Variants in RORB observed in about 807,000 individuals in gnomAD.
RORB encodes nuclear receptor ROR-beta.
In RORB, 6 loss-of-function variants were observed where a neutral mutation model predicts 59.1. The observed-to-expected ratio is 0.10, with a 90% CI of 0.06 to 0.20. The LOEUF is 0.20. Among genes scored for constraint, RORB ranks in the 10% least tolerant of loss-of-function variants. The pLI is 1.00. For missense variants in RORB, 320 were observed against 560.5 expected, an observed-to-expected ratio of 0.57 and a Z score of 4.33; for synonymous variants, 215 against 204.5, an observed-to-expected ratio of 1.05 and a Z score of -0.44.
intron 1 of RORB, among the ~76,000 whole-genome samples, chr9:74,539,406 T>C (rs905031193): frequency 3.9e-5 from 6 of 152,164 alleles, no homozygotes; most frequent in African/African-American, 1.4e-4. Context: ...CTTTCCAAGA[T>C]TGGCTGTTGT....
intron 1 of RORB, among the ~76,000 whole-genome samples, chr9:74,542,436 C>G (rs1159120239): frequency 5.3e-5 from 8 of 152,198 alleles, no homozygotes; most frequent in African/African-American, 1.9e-4. Flanking sequence ...GTAGACACAA[C>G]TGAAGAGAGA....
At chr9:74,634,506 C>G (rs999686165) in intron 2 of RORB, 125 bp from the exon 3 acceptor site, 1 of 803,610 alleles carries the variant, frequency 1.2e-6, no homozygotes, top group Non-Finnish European at 1.8e-6. Flanking sequence ...GAAGAGGTAT[C>G]CAAAGAGCTT....
At chr9:74,524,111 G>C (rs1826121492) in intron 1 of RORB, among the ~76,000 whole-genome samples, 1 of 149,854 alleles carries the variant, frequency 6.7e-6, no homozygotes, top group Non-Finnish European at 1.5e-5. Flanking sequence ...GAAAGCTGGA[G>C]ACATGACCAA....
At chr9:74,537,025 G>T (rs1216125856) in intron 1 of RORB, among the ~76,000 whole-genome samples, 1 of 151,852 alleles carries the variant, frequency 6.6e-6, no homozygotes, top group Non-Finnish European at 1.5e-5. Context: ...TATATATAAG[G>T]CAGTTATAAG....
chr9:74,576,769 A>T (rs1217859155), intron 1 of RORB, among the ~76,000 whole-genome samples: 1 of 152,104 alleles, frequency 6.6e-6, no homozygotes, highest in Non-Finnish European at 1.5e-5. Flanking sequence ...AGCCTTTTTT[A>T]AAGAACATTC....
At chr9:74,634,146 A>C (rs1779457198) in intron 2 of RORB, among the ~76,000 whole-genome samples, 1 of 150,518 alleles carries the variant, frequency 6.6e-6, no homozygotes, top group Admixed American at 6.6e-5. Flanking sequence ...GTGGGGAAAA[A>C]CACATCTTAG....
intron 8 of RORB, among the ~76,000 whole-genome samples, chr9:74,670,124 A>G (rs575389402): frequency 3.3e-5 from 5 of 151,892 alleles, no homozygotes; most frequent in Admixed American, 2.6e-4. Flanking sequence ...ACAAAGATAG[A>G]TGGAAGAAGT....
chr9:74,560,428 T>A (rs1822377511), intron 1 of RORB, among the ~76,000 whole-genome samples: 1 of 152,126 alleles, frequency 6.6e-6, no homozygotes, highest in Non-Finnish European at 1.5e-5. Flanking sequence ...TGTATCTCCA[T>A]CTACGAACAA....
chr9:74,661,062 C>T (rs1204839199), intron 5 of RORB, among the ~76,000 whole-genome samples: 1 of 152,222 alleles, frequency 6.6e-6, no homozygotes, highest in African/African-American at 2.4e-5. Context: ...CTCTTGCTGA[C>T]TTCTTGGGTG....
At chr9:74,569,663 G>A (rs1822521372) in intron 1 of RORB, among the ~76,000 whole-genome samples, 1 of 151,926 alleles carries the variant, frequency 6.6e-6, no homozygotes, top group Non-Finnish European at 1.5e-5. Flanking sequence ...GAAACCAGGT[G>A]ACTTTAAAAA....
intron 1 of RORB, among the ~76,000 whole-genome samples, chr9:74,594,322 A>G (rs754513689): frequency 5.3e-5 from 8 of 152,148 alleles, no homozygotes; most frequent in African/African-American, 1.9e-4. Flanking sequence ...AGCTGTCAGC[A>G]CACCCCTCTC....
At chr9:74,536,057 A>C (rs1376572953) in intron 1 of RORB, among the ~76,000 whole-genome samples, 4 of 152,076 alleles carry the variant, frequency 2.6e-5, no homozygotes, top group Non-Finnish European at 4.4e-5. Context: ...GAAGTCTCAT[A>C]AAATATAACG....
At chr9:74,534,027 A>G (rs1826286176) in intron 1 of RORB, among the ~76,000 whole-genome samples, 2 of 152,100 alleles carry the variant, frequency 1.3e-5, no homozygotes, top group Admixed American at 6.6e-5. Context: ...GAAATTATTT[A>G]TATCTCTACT....
chr9:74,661,942 G>A (rs968623920), intron 5 of RORB, among the ~76,000 whole-genome samples: 12 of 151,966 alleles, frequency 7.9e-5, no homozygotes, highest in African/African-American at 2.9e-4. Context: ...ACCGCGCCCG[G>A]CCTCGGAATT....
intron 4 of RORB, among the ~76,000 whole-genome samples, chr9:74,651,298 C>T (rs548969696): frequency 6.6e-6 from 1 of 152,160 alleles, no homozygotes; most frequent in East Asian, 1.9e-4. Context: ...ACTTTGGGAG[C>T]CCAAGGCAGG....
At chr9:74,627,067 T>C (rs1013778580) in intron 1 of RORB, among the ~76,000 whole-genome samples, 28 of 148,422 alleles carry the variant, frequency 1.9e-4, no homozygotes, top group African/African-American at 6.5e-4. Flanking sequence ...GAGGCTGAGG[T>C]GGGAGAATCG....
At chr9:74,675,428 T>G (rs1206828339) in intron 9 of RORB, among the ~76,000 whole-genome samples, 1 of 151,876 alleles carries the variant, frequency 6.6e-6, no homozygotes, top group Non-Finnish European at 1.5e-5. Flanking sequence ...GGGAAATGAG[T>G]AGGTTGGACT....
chr9:74,638,779 G>A (rs936157965), intron 3 of RORB, among the ~76,000 whole-genome samples: 2 of 152,164 alleles, frequency 1.3e-5, no homozygotes, highest in Non-Finnish European at 2.9e-5. Context: ...GTTATTGCAA[G>A]AAGAGGCACA....
chr9:74,509,377 A>T (rs1166688214), intron 1 of RORB, among the ~76,000 whole-genome samples: 1 of 152,042 alleles, frequency 6.6e-6, no homozygotes, highest in Non-Finnish European at 1.5e-5. Context: ...ATCTCCTTTT[A>T]TATATATTTC....
Sources: gnomAD v4.1 joint callset for allele counts (sites outside exome capture counted in the v4.1 genomes callset) on GRCh38, gnomAD v4.1.1 for gene constraint, MANE v1.5 for transcripts, NCBI Gene and HGNC (gene_info 2026-07-23, HGNC 2026-07-21) for gene names.